Variants in SEMA5A observed in about 807,000 individuals in gnomAD.
The protein encoded by SEMA5A is semaphorin-5A.
A neutral mutation model predicts 135.5 loss-of-function variants in SEMA5A; 55 were observed. The ratio of observed to expected loss-of-function variants is 0.41; its 90% CI spans 0.33 to 0.51. The LOEUF (loss-of-function observed/expected upper bound fraction) is 0.51. Among genes scored for constraint, SEMA5A ranks in the 20% least tolerant of loss-of-function variants. The probability of loss-of-function intolerance (pLI) is 0.37; values close to 1 mark genes in which losing one functional copy is unlikely to be tolerated. For synonymous variants in SEMA5A, 580 were observed against 546.5 expected, an observed-to-expected ratio of 1.06 and a Z score of -0.85; for missense variants, 1,290 against 1,419.9, an observed-to-expected ratio of 0.91 and a Z score of 1.47.
At position 9,523,537 on chromosome 5, in the gene SEMA5A, T is replaced by C. The variant is rs1393870360; in HGVS notation, c.-175+22047A>G. Among the ~76,000 whole-genome samples, 4 of 152,176 alleles carry C rather than the reference T, an allele frequency of 2.6e-5. No individual in the cohort carries two copies. In the South Asian group the frequency reaches 8.3e-4, roughly 32 times the overall value. Reference sequence around the variant, plus strand: ...TATTCTAAGTGTCTCTCAATTGCCATACAAATCTATAACGAGGGACAAAGG... The same window carrying C: ...TATTCTAAGTGTCTCTCAATTGCCACACAAATCTATAACGAGGGACAAAGG... On this transcript the variant is annotated intron_variant, in intron 1 of 22. Coordinates refer to ENST00000382496, the MANE Select transcript of SEMA5A (RefSeq NM_003966.3).
intron 11 of SEMA5A, among the ~76,000 whole-genome samples, chr5:9,155,141 C>G (rs763729211): frequency 1.3e-5 from 2 of 152,156 alleles, no homozygotes; most frequent in Admixed American, 6.5e-5. Context: ...ATATCCAGTA[C>G]GACTGTGATG....
chr5:9,057,575 G>A (rs1342410181), intron 18 of SEMA5A, among the ~76,000 whole-genome samples: 6 of 152,200 alleles, frequency 3.9e-5, no homozygotes, highest in Non-Finnish European at 8.8e-5. Context: ...AGAGAATGGA[G>A]CTGTTGTTTG....
At chr5:9,221,305 T>C (rs546489521) in intron 8 of SEMA5A, among the ~76,000 whole-genome samples, 3,269 of 145,716 alleles carry the variant, frequency 0.022, 37 homozygotes, top group African/African-American at 0.029. Context: ...TTTTCTTTTT[T>C]TTTTTTTTTT....
At chr5:9,080,460 T>C (rs1228716539) in intron 16 of SEMA5A, among the ~76,000 whole-genome samples, 9 of 151,426 alleles carry the variant, frequency 5.9e-5, no homozygotes, top group Admixed American at 5.9e-4. Context: ...GGTTGATGGG[T>C]GCAGCAAACC....
chr5:9,130,306 T>TA (rs544157940), intron 13 of SEMA5A, among the ~76,000 whole-genome samples: 30 of 151,876 alleles, frequency 2.0e-4, no homozygotes, highest in Admixed American at 3.9e-4. Flanking sequence ...TTTCAAAAAT[T>TA]AAAAAAAAAT....
At chr5:9,450,208 G>T (rs1166413006) in intron 1 of SEMA5A, among the ~76,000 whole-genome samples, 1 of 152,142 alleles carries the variant, frequency 6.6e-6, no homozygotes, top group African/African-American at 2.4e-5. Flanking sequence ...AGAGGAGAAG[G>T]GCTGCTCATG....
chr5:9,075,547 A>G (rs1738003545), intron 16 of SEMA5A, among the ~76,000 whole-genome samples: 1 of 46,532 alleles, frequency 2.1e-5, no homozygotes, highest in African/African-American at 5.1e-5. Context: ...ATGCACATAA[A>G]AAAGCCAGCA....
At chr5:9,342,471 T>C (rs537721254) in intron 3 of SEMA5A, among the ~76,000 whole-genome samples, 2 of 152,274 alleles carry the variant, frequency 1.3e-5, no homozygotes, top group East Asian at 3.9e-4. Context: ...TTTCAAAAGC[T>C]ATATGGGTGA....
chr5:9,113,735 C>A (rs1051701526), intron 15 of SEMA5A, among the ~76,000 whole-genome samples: 1 of 152,090 alleles, frequency 6.6e-6, no homozygotes, highest in Non-Finnish European at 1.5e-5. Context: ...AAATTCAAAT[C>A]AAAACCACAA....
chr5:9,384,667 T>TAG (rs1561208269), intron 2 of SEMA5A, among the ~76,000 whole-genome samples: 1 of 113,390 alleles, frequency 8.8e-6, no homozygotes. Context: ...TAGATATAGA[T>TAG]AGATAGATAT....
chr5:9,072,817 T>C (rs1024466573), intron 16 of SEMA5A, among the ~76,000 whole-genome samples: 5 of 152,146 alleles, frequency 3.3e-5, no homozygotes, highest in Admixed American at 1.3e-4. Context: ...AAATTCACAA[T>C]GTCTTGCATC....
intron 16 of SEMA5A, among the ~76,000 whole-genome samples, chr5:9,107,832 G>A (rs191975555): frequency 6.6e-6 from 1 of 152,144 alleles, no homozygotes; most frequent in Non-Finnish European, 1.5e-5. Flanking sequence ...GATCCAGTGT[G>A]TGAGAGGACC....
At chr5:9,163,929 C>T (rs1579518873) in intron 11 of SEMA5A, among the ~76,000 whole-genome samples, 1 of 149,562 alleles carries the variant, frequency 6.7e-6, no homozygotes, top group South Asian at 2.1e-4. Flanking sequence ...GTTTAAGCTG[C>T]TCAGTCTATG....
At chr5:9,508,555 T>C in intron 1 of SEMA5A, among the ~76,000 whole-genome samples, 1 of 152,188 alleles carries the variant, frequency 6.6e-6, no homozygotes, top group South Asian at 2.1e-4. Context: ...GCTGCAAACT[T>C]TCTTAAATCA....
intron 1 of SEMA5A, among the ~76,000 whole-genome samples, chr5:9,494,359 T>A (rs1451936375): frequency 1.3e-5 from 2 of 152,212 alleles, no homozygotes; most frequent in African/African-American, 4.8e-5. Flanking sequence ...GTGATGGACA[T>A]AGATCTCCTT....
intron 16 of SEMA5A, among the ~76,000 whole-genome samples, chr5:9,082,065 G>A (rs1197554558): frequency 1.3e-5 from 2 of 152,176 alleles, no homozygotes. Context: ...TTTCTCAAGA[G>A]CTTCTTGCAA....
intron 11 of SEMA5A, among the ~76,000 whole-genome samples, chr5:9,160,771 C>T (rs573968901): frequency 3.4e-4 from 51 of 152,130 alleles, no homozygotes; most frequent in Non-Finnish European, 7.1e-4. Context: ...TCAACCTCTA[C>T]AATCTGAGTC....
At chr5:9,277,088 T>A (rs777809761) in intron 5 of SEMA5A, among the ~76,000 whole-genome samples, 3 of 152,002 alleles carry the variant, frequency 2.0e-5, no homozygotes, top group Non-Finnish European at 4.4e-5. Flanking sequence ...ATTTCCAGAA[T>A]CTACAAAGAA....
At chr5:9,282,292 C>T (rs1452070221) in intron 5 of SEMA5A, among the ~76,000 whole-genome samples, 2 of 151,970 alleles carry the variant, frequency 1.3e-5, no homozygotes, top group East Asian at 3.9e-4. Flanking sequence ...AAATTTAAAA[C>T]AAATGAAGCA....
Sources: gnomAD v4.1 joint callset for allele counts (sites outside exome capture counted in the v4.1 genomes callset) on GRCh38, gnomAD v4.1.1 for gene constraint, MANE v1.5 for transcripts, NCBI Gene and HGNC (gene_info 2026-07-23, HGNC 2026-07-21) for gene names.